ARHGAP15: variants seen among roughly 807,000 people sequenced by gnomAD.
ARHGAP15 encodes the protein Rho GTPase activating protein 15.
Under a neutral mutation model 63.7 loss-of-function variants are expected in ARHGAP15, and 51 were observed. The observed-to-expected ratio is 0.80, with a 90% CI of 0.64 to 1.01. The LOEUF (loss-of-function observed/expected upper bound fraction) is 1.01. ARHGAP15 is among the 50% of genes least tolerant of loss of function. The pLI, the probability that ARHGAP15 is intolerant of heterozygous loss-of-function variation, is 0.00. For missense variants in ARHGAP15, 560 were observed against 564.6 expected (o/e 0.99, Z 0.08); for synonymous variants, 191 against 193.8 (o/e 0.99, Z 0.12).
At chr2:143,548,248 ATTTGAAAATG>A (rs1331618586) in intron 10 of ARHGAP15, among the ~76,000 whole-genome samples, 2 of 152,134 alleles carry the variant, frequency 1.3e-5, no homozygotes, top group Non-Finnish European at 2.9e-5. Context: ...GGAGTGAAGC[ATTTGAAAATG>A]ATCCCAATTG....
At chr2:143,561,802 G>A (rs984378703) in intron 11 of ARHGAP15, among the ~76,000 whole-genome samples, 3 of 152,020 alleles carry the variant, frequency 2.0e-5, no homozygotes, top group African/African-American at 7.2e-5. Flanking sequence ...GCGCCCGGCC[G>A]ACATGTTTTT....
chr2:143,144,807 A>G (rs1392706626), intron 1 of ARHGAP15, among the ~76,000 whole-genome samples: 1 of 152,120 alleles, frequency 6.6e-6, no homozygotes, highest in Non-Finnish European at 1.5e-5. Flanking sequence ...TAGAGCAGTA[A>G]TATGAACAAA....
intron 13 of ARHGAP15, among the ~76,000 whole-genome samples, chr2:143,750,494 A>T (rs1297019869): frequency 1.3e-5 from 2 of 152,238 alleles, no homozygotes; most frequent in Non-Finnish European, 2.9e-5. Context: ...ATACATTTTT[A>T]AATTTAATCT....
intron 13 of ARHGAP15, among the ~76,000 whole-genome samples, chr2:143,729,422 C>T (rs1685431149): frequency 6.6e-6 from 1 of 152,204 alleles, no homozygotes; most frequent in Non-Finnish European, 1.5e-5. Context: ...TAGAGAGAAA[C>T]TTTCACTGGC....
chr2:143,360,456 G>C (rs190569464), intron 6 of ARHGAP15, among the ~76,000 whole-genome samples: 1 of 151,938 alleles, frequency 6.6e-6, no homozygotes, highest in East Asian at 1.9e-4. Flanking sequence ...GGACATTGTA[G>C]GCATCAACAA....
At chr2:143,454,497 A>G (rs760805354) in intron 8 of ARHGAP15, among the ~76,000 whole-genome samples, 2 of 152,034 alleles carry the variant, frequency 1.3e-5, no homozygotes, top group Non-Finnish European at 1.5e-5. Context: ...CTCCTCATCT[A>G]TTGAGCTCTG....
At chr2:143,190,562 C>T (rs950507426) in intron 2 of ARHGAP15, among the ~76,000 whole-genome samples, 1 of 152,104 alleles carries the variant, frequency 6.6e-6, no homozygotes, top group African/African-American at 2.4e-5. Context: ...GCCAAGTGAC[C>T]TTGAGTCTAG....
intron 13 of ARHGAP15, among the ~76,000 whole-genome samples, chr2:143,718,501 T>C (rs932711404): frequency 5.9e-5 from 9 of 152,218 alleles, no homozygotes; most frequent in Non-Finnish European, 7.3e-5. Context: ...CATTAATATG[T>C]AAAAAGAAAG....
intron 6 of ARHGAP15, among the ~76,000 whole-genome samples, chr2:143,327,979 C>T (rs185977697): frequency 4.6e-5 from 7 of 151,626 alleles, no homozygotes; most frequent in Admixed American, 3.9e-4. Flanking sequence ...ATTTATGTGG[C>T]CAAAAAACAT....
chr2:143,593,758 C>G (rs762100235), intron 11 of ARHGAP15, among the ~76,000 whole-genome samples: 2 of 152,092 alleles, frequency 1.3e-5, no homozygotes, highest in African/African-American at 2.4e-5. Context: ...TTCTGCAGAG[C>G]CTTATCTTAA....
At chr2:143,328,411 T>C (rs1447433250) in intron 6 of ARHGAP15, among the ~76,000 whole-genome samples, 1 of 152,050 alleles carries the variant, frequency 6.6e-6, no homozygotes, top group Non-Finnish European at 1.5e-5. Flanking sequence ...TATGCCACCA[T>C]AAAAAAGGAG....
intron 12 of ARHGAP15, among the ~76,000 whole-genome samples, chr2:143,625,066 T>A (rs1314028680): frequency 6.6e-6 from 1 of 152,198 alleles, no homozygotes; most frequent in African/African-American, 2.4e-5. Context: ...AGGGTATGCT[T>A]ACTGTAACTG....
chr2:143,670,338 A>G (rs1286118271), intron 12 of ARHGAP15, among the ~76,000 whole-genome samples: 2 of 152,062 alleles, frequency 1.3e-5, no homozygotes, highest in Non-Finnish European at 2.9e-5. Context: ...TAAAACATGT[A>G]TCTTATATTG....
chr2:143,721,617 T>C (rs751793925), intron 13 of ARHGAP15, among the ~76,000 whole-genome samples: 9 of 151,952 alleles, frequency 5.9e-5, no homozygotes, highest in Admixed American at 2.0e-4. Context: ...TGAACAAGGA[T>C]GGGAGTAATA....
intron 6 of ARHGAP15, among the ~76,000 whole-genome samples, chr2:143,303,211 C>T (rs1340125078): frequency 6.6e-6 from 1 of 151,886 alleles, no homozygotes; most frequent in South Asian, 2.1e-4. Context: ...AAATTATCAT[C>T]CAAGTGAACA....
chr2:143,252,872 T>C (rs1407915513), intron 6 of ARHGAP15, among the ~76,000 whole-genome samples: 2 of 152,058 alleles, frequency 1.3e-5, no homozygotes, highest in Non-Finnish European at 2.9e-5. Flanking sequence ...ATTAGATACA[T>C]TAGCTGGTCG....
chr2:143,257,132 G>A (rs140680167), intron 6 of ARHGAP15, among the ~76,000 whole-genome samples: 5 of 152,208 alleles, frequency 3.3e-5, no homozygotes, highest in African/African-American at 1.2e-4. Flanking sequence ...TTGCCTGGGT[G>A]ATCCCGTGAA....
chr2:143,307,727 C>T lies in ARHGAP15; in HGVS notation c.474+57127C>T, dbSNP rs867739422. Among the ~76,000 whole-genome samples, 13 of 152,176 alleles carry T rather than the reference C, an allele frequency of 8.5e-5. 1 individual carries two copies. The highest frequency in any genetic ancestry group is 3.4e-3 in the Middle Eastern group (1 of 294). On this transcript the variant is annotated intron_variant, in intron 6 of 13. Transcript: ENST00000295095. The stretch of plus-strand genomic sequence containing the variant: ...TTGGAGTCTTATCCAGTTTACCTTC[C>T]AATGACTTAGGACTGAGAGAGCTGA...
chr2:143,540,362 C>T (rs554246454), intron 10 of ARHGAP15, among the ~76,000 whole-genome samples: 8 of 152,226 alleles, frequency 5.3e-5, no homozygotes, highest in Admixed American at 2.0e-4. Flanking sequence ...TTAACTGGAG[C>T]GTTTAGCCCA....
Sources: allele counts gnomAD v4.1 joint callset (sites outside exome capture counted in the v4.1 genomes callset), GRCh38; gene constraint gnomAD v4.1.1; transcripts MANE v1.5; gene names NCBI Gene and HGNC (gene_info 2026-07-23, HGNC 2026-07-21).